SMYD3: variants seen among roughly 807,000 people sequenced by gnomAD.
SMYD3 encodes SET and MYND domain containing 3, also known as histone-lysine N-methyltransferase SMYD3.
SMYD3 carries 36 observed loss-of-function variants against 57.7 expected under a neutral mutation model. That is an observed-to-expected ratio of 0.62 (90% CI 0.48 to 0.82). SMYD3 has a LOEUF of 0.82. Among genes scored for constraint, SMYD3 ranks in the 40% least tolerant of loss-of-function variants. SMYD3 has a pLI of 0.00. For synonymous variants in SMYD3, 211 were observed against 195.0 expected, an observed-to-expected ratio of 1.08 and a Z score of -0.68; for missense variants, 515 against 538.8, an observed-to-expected ratio of 0.96 and a Z score of 0.44.
At chr1:246,148,713 C>CATGT (rs2061895387) in intron 5 of SMYD3, among the ~76,000 whole-genome samples, 1 of 152,198 alleles carries the variant, frequency 6.6e-6, no homozygotes, top group South Asian at 2.1e-4. Flanking sequence ...GCAAGGTATA[C>CATGT]AGGCCATCTC....
chr1:246,470,250 G>C (rs147663267), intron 1 of SMYD3, among the ~76,000 whole-genome samples: 2,229 of 152,186 alleles, frequency 0.015, 80 homozygotes, highest in Admixed American at 0.087. Flanking sequence ...CCAGCACTTT[G>C]GGAGGTCGAG....
intron 1 of SMYD3, among the ~76,000 whole-genome samples, chr1:246,466,513 T>C (rs377461271): frequency 5.9e-5 from 9 of 152,066 alleles, no homozygotes; most frequent in African/African-American, 2.2e-4. Context: ...CAACAGACAC[T>C]GGGGCCTCCT....
rs768066166 is a variant in SMYD3 at position 246,236,397 on chromosome 1, CTTTT to C, written c.531+90800_531+90803del. On this transcript the variant is annotated intron_variant, in intron 5 of 11. Transcript: ENST00000490107. The stretch of plus-strand genomic sequence containing the variant: ...GACACATCCCACCACACCTGGCTAA[CTTTT>C]TTTATTTAATTAATTAATTTATTTA... Among the ~76,000 whole-genome samples, 43 of 151,868 alleles carry C rather than the reference CTTTT, an allele frequency of 2.8e-4. No individual in the cohort carries two copies. The East Asian group carries it at 4.1e-3, about 14-fold the overall frequency.
rs555897318 is a variant in SMYD3, at chr1:246,229,460, CTCTT to C, written c.531+97737_531+97740del. ...CTATTGAAATTTAAATTTTGCAACT[CTCTT>C]TATAGAAGGATAAAGTTTACAATTG... On this transcript the variant is annotated intron_variant, in intron 5 of 11. Transcript: ENST00000490107. Among the ~76,000 whole-genome samples, 147 of 152,278 alleles carry C rather than the reference CTCTT, an allele frequency of 9.7e-4. 1 individual carries two copies. Among genetic ancestry groups the C allele is most frequent in the African/African-American group, 3.5e-3 (146 of 41,532 alleles).
rs112182237 is a variant in SMYD3, at chr1:246,168,725, G to A, written c.531+158476C>T. On this transcript the variant is annotated intron_variant, in intron 5 of 11. Coordinates refer to ENST00000490107, the MANE Select transcript of SMYD3 (RefSeq NM_001167740.2). ...CCTTTCTGCCCACACACAAAAATTC[G>A]TTGCACCCGGAGGAATCATGTCAAG... Among the ~76,000 whole-genome samples, 255 of 152,210 alleles carry A rather than the reference G, an allele frequency of 1.7e-3. 1 individual carries two copies. Among genetic ancestry groups the A allele is most frequent in the African/African-American group, 5.6e-3 (233 of 41,540 alleles).
At chr1:245,800,850 A>G (rs1479824510) in intron 10 of SMYD3, among the ~76,000 whole-genome samples, 2 of 152,200 alleles carry the variant, frequency 1.3e-5, no homozygotes, top group Non-Finnish European at 2.9e-5. Context: ...CAGTGTGGCT[A>G]AAGAGTAATA....
chr1:246,378,037 C>T (rs553460351), intron 1 of SMYD3, among the ~76,000 whole-genome samples: 1 of 152,328 alleles, frequency 6.6e-6, no homozygotes, highest in African/African-American at 2.4e-5. Flanking sequence ...TGTCTATTCA[C>T]CATGCATAAT....
chr1:246,240,148 G>C (rs937235646), intron 5 of SMYD3, among the ~76,000 whole-genome samples: 17 of 152,122 alleles, frequency 1.1e-4, no homozygotes, highest in Admixed American at 7.9e-4. Context: ...TGCTGTTTTA[G>C]TCATGAAGTC....
chr1:246,439,065 G>T (rs2103017288), intron 1 of SMYD3, among the ~76,000 whole-genome samples: 1 of 145,592 alleles, frequency 6.9e-6, no homozygotes, highest in East Asian at 2.2e-4. Context: ...ATGCTGTATT[G>T]GTTTTATTTG....
chr1:246,454,512 T>C (rs1335851048), intron 1 of SMYD3, among the ~76,000 whole-genome samples: 1 of 152,190 alleles, frequency 6.6e-6, no homozygotes, highest in Non-Finnish European at 1.5e-5. Context: ...TCAATCAGAA[T>C]AGAATTTTAT....
intron 8 of SMYD3, among the ~76,000 whole-genome samples, chr1:245,876,966 G>A (rs2052521363): frequency 6.6e-6 from 1 of 151,768 alleles, no homozygotes; most frequent in African/African-American, 2.4e-5. Context: ...CTGCCTGGCC[G>A]GGATTTAGGG....
rs1391541465 is a variant in SMYD3, at chr1:245,749,495, T to A, written c.*68A>T. 4.1e-6 allele frequency: 5 copies of A among 1,208,690 alleles called. No individual in the cohort carries two copies. Among genetic ancestry groups the A allele is most frequent in the African/African-American group, 3.0e-5 (2 of 67,072 alleles). The allele number at this position is 1,208,690 out of a possible 1,614,324, so 74.9% of individuals were successfully genotyped here. A position where few individuals can be genotyped will look rare whatever the true frequency, so the allele number is the denominator to read the frequency against. Reference sequence around the variant, plus strand: ...AGAGGTTCACACAGCTAACAAAGCATAGAGTGTGTGACCTCAATAAGGCAT... The same window carrying A: ...AGAGGTTCACACAGCTAACAAAGCAAAGAGTGTGTGACCTCAATAAGGCAT... On this transcript the variant is annotated 3_prime_UTR_variant, in exon 12 of 12. Transcript: ENST00000490107.
At position 246,494,905 on chromosome 1, in the gene SMYD3, T is replaced by C. The variant is rs147097637; in HGVS notation, c.164+12149A>G. On this transcript the variant is annotated intron_variant, in intron 1 of 11. Transcript: ENST00000490107. ...GAACATGCAGAATTATTTATAGATA[T>C]TATAAGCAGTTGGACTAATCCCAGC... 6.0e-3 allele frequency among the ~76,000 whole-genome samples: 908 copies of C among 152,320 alleles called. 4 individuals are homozygous for C. The highest frequency in any genetic ancestry group is 7.7e-3 in the Non-Finnish European group (523 of 68,036).
intron 5 of SMYD3, among the ~76,000 whole-genome samples, chr1:245,977,373 C>T (rs986531299): frequency 2.6e-5 from 4 of 152,178 alleles, no homozygotes; most frequent in African/African-American, 9.7e-5. Context: ...GAAGTCCATC[C>T]TTAATCACAA....
At chr1:246,134,333 A>G (rs2061634064) in intron 5 of SMYD3, among the ~76,000 whole-genome samples, 1 of 152,090 alleles carries the variant, frequency 6.6e-6, no homozygotes, top group Non-Finnish European at 1.5e-5. Flanking sequence ...TTTCTATATA[A>G]GGCATTTTAT....
At chr1:246,330,923 C>T (rs1413383239) in intron 3 of SMYD3, among the ~76,000 whole-genome samples, 2 of 152,090 alleles carry the variant, frequency 1.3e-5, no homozygotes, top group Non-Finnish European at 2.9e-5. Context: ...TTGCTTTAGC[C>T]CAGGAGTTCA....
At chr1:246,057,837 T>C (rs2060179347) in intron 5 of SMYD3, among the ~76,000 whole-genome samples, 1 of 152,190 alleles carries the variant, frequency 6.6e-6, no homozygotes. Flanking sequence ...CTCCCCAAAC[T>C]TGGAAGTAAC....
intron 6 of SMYD3, among the ~76,000 whole-genome samples, chr1:245,928,901 G>A (rs1572715595): frequency 6.6e-6 from 1 of 152,334 alleles, no homozygotes; most frequent in East Asian, 1.9e-4. Context: ...TATTACCTTG[G>A]AGGGACATTT....
intron 1 of SMYD3, among the ~76,000 whole-genome samples, chr1:246,392,812 A>G (rs1417839870): frequency 1.3e-5 from 2 of 151,954 alleles, no homozygotes; most frequent in Admixed American, 6.6e-5. Context: ...AAAAGAAAAA[A>G]AAAAAACTCA....
Sources: allele counts gnomAD v4.1 joint callset (sites outside exome capture counted in the v4.1 genomes callset), GRCh38; gene constraint gnomAD v4.1.1; transcripts MANE v1.5; gene names NCBI Gene and HGNC (gene_info 2026-07-23, HGNC 2026-07-21).